Variants in PLXDC1 observed in about 807,000 individuals in gnomAD.
PLXDC1 encodes plexin domain containing 1, also known as plexin domain-containing protein 1.
Under a neutral mutation model 61.3 loss-of-function variants are expected in PLXDC1, and 39 were observed. The observed-to-expected ratio is 0.64, with a 90% CI of 0.49 to 0.83. The LOEUF (loss-of-function observed/expected upper bound fraction) is 0.83, where lower values mean the gene tolerates loss of function less well. PLXDC1 is among the 40% of genes least tolerant of loss of function. The probability of loss-of-function intolerance (pLI) is 0.00; values close to 1 mark genes in which losing one functional copy is unlikely to be tolerated. For missense variants in PLXDC1, 596 were observed against 666.5 expected (o/e 0.89, Z 1.17); for synonymous variants, 212 against 254.5 (o/e 0.83, Z 1.59).
chr17:39,151,578 G>A lies in PLXDC1; in HGVS notation c.-141C>T. 2 of 1,182,714 alleles carry A rather than the reference G, an allele frequency of 1.7e-6. No homozygotes were observed. The highest frequency in any genetic ancestry group is 3.4e-4 in the Middle Eastern group (1 of 2,924). The allele number at this position is 1,182,714 out of a possible 1,614,324, so 73.3% of individuals were successfully genotyped here. A position where few individuals can be genotyped will look rare whatever the true frequency, so the allele number is the denominator to read the frequency against. ...GAGGAGACGGCGGAGCGCGGGGCCGGGCGAGCCGGCAGGAGCGGCGAGAGC... is the reference window on the plus strand; with the variant it reads ...GAGGAGACGGCGGAGCGCGGGGCCGAGCGAGCCGGCAGGAGCGGCGAGAGC... On this transcript the variant is annotated 5_prime_UTR_variant, in exon 1 of 14. Transcript: ENST00000315392. The surrounding 1 kb of genome is among the most constrained non-coding windows in gnomAD (Gnocchi z 5.2).
At chr17:39,096,948 A>T (rs1314178511) in intron 7 of PLXDC1, 8 of 471,246 alleles carry the variant, frequency 1.7e-5, no homozygotes, top group Non-Finnish European at 3.5e-5. Context: ...TTCACCAAAG[A>T]TGCTTTGCAG....
intron 2 of PLXDC1, among the ~76,000 whole-genome samples, chr17:39,125,705 T>C (rs1911293004): frequency 6.6e-6 from 1 of 152,190 alleles, no homozygotes; most frequent in African/African-American, 2.4e-5. Context: ...TTCTGTCACA[T>C]TTCATGATAT....
In PLXDC1 at chr17:39,083,476, C is replaced by G. The variant is rs766537787; in HGVS notation, c.972G>C (p.Trp324Cys). The part of the protein sequence containing the change: ...MSSDLTFNCS[W>C]CHVLQRCSSG... ...GCACAAACCTCTGGAGGACATGGCA[C>G]CAGCTGCAGTTGAAGGTCAGGTCTG... Residue 324 changes from tryptophan (W) to cysteine (C), a missense_variant, in exon 9 of 14, where the codon TGG (tryptophan) becomes TGC (cysteine). Coordinates refer to ENST00000315392, the MANE Select transcript of PLXDC1 (RefSeq NM_020405.5). The G allele has an allele frequency of 2.5e-6, 4 of 1,613,736 alleles. No individual in the cohort carries two copies. The highest frequency in any genetic ancestry group is 2.2e-5 in the East Asian group (1 of 44,884).
chr17:39,075,117 G>A (rs1479841063), intron 11 of PLXDC1, among the ~76,000 whole-genome samples: 3 of 152,008 alleles, frequency 2.0e-5, no homozygotes, highest in South Asian at 2.1e-4. Context: ...GCGCCACCAC[G>A]CCCAGCTAAT....
In PLXDC1 at chr17:39,063,445, A is replaced by G. The variant is rs1908782404; in HGVS notation, c.*4395T>C. On this transcript the variant is annotated 3_prime_UTR_variant, in exon 14 of 14. Coordinates refer to ENST00000315392, the MANE Select transcript of PLXDC1 (RefSeq NM_020405.5). ...AGGCTGTTTCTCTTGGAGGTGGTGC[A>G]GGAGGTTGAGGAAAGCACCTCTGAT... 1.4e-6 allele frequency: 1 copy of G among 702,770 alleles called. No homozygotes were observed. Among genetic ancestry groups the G allele is most frequent in the African/African-American group, 1.7e-5 (1 of 57,262 alleles). The allele number at this position is 702,770 out of a possible 1,614,324, so 43.5% of individuals were successfully genotyped here.
intron 2 of PLXDC1, 46 bp from the exon 3 acceptor site, chr17:39,109,437 C>T: frequency 6.5e-7 from 1 of 1,544,290 alleles, no homozygotes; most frequent in East Asian, 2.4e-5. Context: ...GAGTAGTCAG[C>T]ATGCCAGGAC....
intron 6 of PLXDC1, among the ~76,000 whole-genome samples, chr17:39,106,838 G>A (rs960989252): frequency 6.6e-6 from 1 of 151,778 alleles, no homozygotes; most frequent in Admixed American, 6.6e-5. Context: ...TTTTAGTAGA[G>A]ATGGGGTTTC....
chr17:39,125,868 A>G (rs749081921), intron 2 of PLXDC1, among the ~76,000 whole-genome samples: 24 of 152,190 alleles, frequency 1.6e-4, no homozygotes, highest in African/African-American at 5.8e-4. Context: ...TTTTATAAAT[A>G]CTACTGTGAT....
intron 2 of PLXDC1, among the ~76,000 whole-genome samples, chr17:39,132,388 G>A (rs1049753522): frequency 1.4e-4 from 22 of 151,764 alleles, no homozygotes; most frequent in Admixed American, 3.9e-4. Flanking sequence ...TCCCGTCCCC[G>A]AAACGCCCAG....
At chr17:39,139,957 T>C (rs987444592) in intron 1 of PLXDC1, 125 bp from the exon 2 acceptor site, 10 of 941,660 alleles carry the variant, frequency 1.1e-5, no homozygotes, top group Non-Finnish European at 1.5e-5. Flanking sequence ...GACACTTGAC[T>C]GACTACCAGG....
At chr17:39,109,150 C>T (rs546963001) in intron 3 of PLXDC1, 98 bp downstream of exon 3, 119 of 1,480,288 alleles carry the variant, frequency 8.0e-5, no homozygotes, top group Non-Finnish European at 6.4e-5. Context: ...TCCCAGGTCA[C>T]AGACCTCGGG....
chr17:39,108,352 G>T, intron 4 of PLXDC1, 107 bp from the exon 5 acceptor site: 1 of 1,221,038 alleles, frequency 8.2e-7, no homozygotes, highest in Non-Finnish European at 1.2e-6. Flanking sequence ...AGCTGGAAGT[G>T]AGCCTGAGAC....
intron 2 of PLXDC1, among the ~76,000 whole-genome samples, chr17:39,128,281 G>A (rs553566379): frequency 1.3e-5 from 2 of 150,792 alleles, no homozygotes; most frequent in East Asian, 2.0e-4. Flanking sequence ...GCAGTGGCGC[G>A]ATCTCGGCTC....
At chr17:39,128,197 A>ATGTGTG (rs1911412976) in intron 2 of PLXDC1, among the ~76,000 whole-genome samples, 1 of 138,626 alleles carries the variant, frequency 7.2e-6, no homozygotes, top group African/African-American at 2.7e-5. Flanking sequence ...GTGTATATAT[A>ATGTGTG]TGTATATATA....
At chr17:39,086,355 G>A (rs917115016) in intron 8 of PLXDC1, among the ~76,000 whole-genome samples, 2 of 152,106 alleles carry the variant, frequency 1.3e-5, no homozygotes, top group African/African-American at 4.8e-5. Context: ...CCTTTCTGTT[G>A]TCCAGGGAAA....
chr17:39,068,147 A>G (rs917381598), intron 13 of PLXDC1, among the ~76,000 whole-genome samples, 188 bp from the exon 14 acceptor site: 72 of 152,158 alleles, frequency 4.7e-4, no homozygotes, highest in African/African-American at 1.7e-3. Context: ...TGATCCCCCA[A>G]CCACTGGGAA....
intron 2 of PLXDC1, among the ~76,000 whole-genome samples, chr17:39,113,567 A>T (rs1229962281): frequency 6.6e-6 from 1 of 152,184 alleles, no homozygotes; most frequent in Non-Finnish European, 1.5e-5. Context: ...TGGATTGAGC[A>T]CAGTGGTTCA....
intron 7 of PLXDC1, among the ~76,000 whole-genome samples, chr17:39,088,564 C>T (rs1909827499): frequency 6.6e-6 from 1 of 152,154 alleles, no homozygotes; most frequent in Non-Finnish European, 1.5e-5. Flanking sequence ...AAATGACAAT[C>T]TGAGGTGCTC....
intron 4 of PLXDC1, chr17:39,108,499 C>G: frequency 1.8e-6 from 1 of 560,512 alleles, no homozygotes; most frequent in Admixed American, 3.0e-5. Context: ...GAGGAGAGGA[C>G]TCACAGCTTT....
Sources: allele counts gnomAD v4.1 joint callset (sites outside exome capture counted in the v4.1 genomes callset), GRCh38; gene constraint gnomAD v4.1.1; non-coding constraint Gnocchi (gnomAD v3.1); transcripts MANE v1.5; gene names NCBI Gene and HGNC (gene_info 2026-07-23, HGNC 2026-07-21).